SCD5: variants seen among roughly 807,000 people sequenced by gnomAD.
SCD5 encodes the protein stearoyl-CoA desaturase 5.
SCD5 carries 20 observed loss-of-function variants against 30.4 expected under a neutral mutation model. That is an observed-to-expected ratio of 0.66 (90% CI 0.46 to 0.96). SCD5 has a LOEUF of 0.96. Among genes scored for constraint, SCD5 ranks in the 40% least tolerant of loss-of-function variants. The pLI is 0.00. For missense variants in SCD5, 381 were observed against 443.3 expected, an observed-to-expected ratio of 0.86 and a Z score of 1.26; for synonymous variants, 173 against 176.4, an observed-to-expected ratio of 0.98 and a Z score of 0.16.
intron 3 of SCD5, among the ~76,000 whole-genome samples, chr4:82,652,131 C>A (rs1727770420): frequency 6.6e-6 from 1 of 152,054 alleles, no homozygotes; most frequent in African/African-American, 2.4e-5. Flanking sequence ...GAAACATGAG[C>A]AAAAGCACAG....
intron 3 of SCD5, among the ~76,000 whole-genome samples, chr4:82,676,368 G>A (rs565073361): frequency 1.3e-5 from 2 of 152,246 alleles, no homozygotes; most frequent in East Asian, 1.9e-4. Flanking sequence ...AATGGCTCAC[G>A]GATAGGTTCA....
At chr4:82,717,071 T>G (rs1054595659) in intron 1 of SCD5, among the ~76,000 whole-genome samples, 1 of 151,820 alleles carries the variant, frequency 6.6e-6, no homozygotes, top group Non-Finnish European at 1.5e-5. Context: ...TCTGTGAATT[T>G]TAGTATCCAT....
At chr4:82,687,982 A>C (rs895259188) in intron 2 of SCD5, among the ~76,000 whole-genome samples, 2 of 152,242 alleles carry the variant, frequency 1.3e-5, no homozygotes, top group Non-Finnish European at 2.9e-5. Context: ...TGTCCCATTC[A>C]GCAGATCTGA....
At chr4:82,718,952 G>A (rs1460034344) in intron 1 of SCD5, among the ~76,000 whole-genome samples, 1 of 151,382 alleles carries the variant, frequency 6.6e-6, no homozygotes, top group Non-Finnish European at 1.5e-5. Flanking sequence ...TCTCAAGCAC[G>A]TACGAGCACC....
chr4:82,754,608 A>G (rs538437200), intron 1 of SCD5, among the ~76,000 whole-genome samples: 1 of 152,260 alleles, frequency 6.6e-6, no homozygotes, highest in South Asian at 2.1e-4. Flanking sequence ...CATTCAGGCA[A>G]TCTTCACATT....
chr4:82,693,902 G>A (rs1212012112), intron 2 of SCD5, among the ~76,000 whole-genome samples: 1 of 152,194 alleles, frequency 6.6e-6, no homozygotes, highest in African/African-American at 2.4e-5. Context: ...CACACTGGCC[G>A]GACACAGCTT....
chr4:82,642,181 G>A (rs1368937087), intron 3 of SCD5, among the ~76,000 whole-genome samples: 1 of 152,022 alleles, frequency 6.6e-6, no homozygotes, highest in East Asian at 1.9e-4. Flanking sequence ...GACCTGTGCA[G>A]AGGTCCAGAG....
intron 1 of SCD5, among the ~76,000 whole-genome samples, chr4:82,793,322 G>A (rs369016043): frequency 3.9e-5 from 6 of 152,210 alleles, no homozygotes; most frequent in African/African-American, 9.6e-5. Context: ...CAAAGAAAAC[G>A]CTCAAGACCA....
At chr4:82,774,858 T>C (rs1352151642) in intron 1 of SCD5, among the ~76,000 whole-genome samples, 1 of 152,206 alleles carries the variant, frequency 6.6e-6, no homozygotes, top group Non-Finnish European at 1.5e-5. Context: ...AATTTGGAAT[T>C]TGACCATCAG....
chr4:82,683,070 G>C (rs1003185726), intron 2 of SCD5, among the ~76,000 whole-genome samples: 2 of 152,164 alleles, frequency 1.3e-5, no homozygotes, highest in African/African-American at 4.8e-5. Flanking sequence ...TTGGGTTTTG[G>C]GGGAGAGAAA....
intron 2 of SCD5, among the ~76,000 whole-genome samples, chr4:82,690,109 C>G (rs1214512905): frequency 6.6e-6 from 1 of 152,132 alleles, no homozygotes; most frequent in Non-Finnish European, 1.5e-5. Flanking sequence ...TTATAGAATC[C>G]TGGATACAAC....
chr4:82,700,023 C>G (rs1270325297), intron 2 of SCD5, among the ~76,000 whole-genome samples: 1 of 151,790 alleles, frequency 6.6e-6, no homozygotes, highest in Non-Finnish European at 1.5e-5. Context: ...TTGAGACCAG[C>G]CTGACCAACA....
At chr4:82,631,565 C>T in intron 4 of SCD5, 48 bp from the exon 5 acceptor site, 10 of 1,578,034 alleles carry the variant, frequency 6.3e-6, no homozygotes, top group Non-Finnish European at 8.7e-6. Context: ...CACCTCTCTG[C>T]ATAGATGTTT....
intron 1 of SCD5, among the ~76,000 whole-genome samples, chr4:82,782,907 CACA>C (rs1222264397): frequency 6.6e-6 from 1 of 152,178 alleles, no homozygotes; most frequent in Non-Finnish European, 1.5e-5. Context: ...AGGAGAGCCA[CACA>C]ACAATACTGA....
At chr4:82,644,221 C>T (rs1445775407) in intron 3 of SCD5, among the ~76,000 whole-genome samples, 2 of 152,176 alleles carry the variant, frequency 1.3e-5, no homozygotes, top group East Asian at 3.9e-4. Flanking sequence ...ACCAGAGAAG[C>T]CCGTTGTCCA....
At chr4:82,697,409 A>G (rs554922626) in intron 2 of SCD5, among the ~76,000 whole-genome samples, 2 of 152,362 alleles carry the variant, frequency 1.3e-5, no homozygotes, top group South Asian at 4.1e-4. Context: ...TAAGATCTGC[A>G]TTAAAGAGTT....
At chr4:82,637,934 C>T (rs1337115660) in intron 3 of SCD5, among the ~76,000 whole-genome samples, 2 of 151,980 alleles carry the variant, frequency 1.3e-5, no homozygotes, top group Non-Finnish European at 2.9e-5. Flanking sequence ...CATAGGGAAA[C>T]GTGTGCCACG....
At chr4:82,730,649 G>C (rs1424816906) in intron 1 of SCD5, among the ~76,000 whole-genome samples, 6 of 144,284 alleles carry the variant, frequency 4.2e-5, no homozygotes, top group Admixed American at 2.8e-4. Context: ...GCAGTGGCGG[G>C]ATCTTGGCTC....
intron 1 of SCD5, among the ~76,000 whole-genome samples, chr4:82,724,649 T>C (rs1189533140): frequency 6.6e-6 from 1 of 152,214 alleles, no homozygotes; most frequent in Non-Finnish European, 1.5e-5. Flanking sequence ...TCTTCCCTAA[T>C]GCTTTCTGAG....
Sources: allele counts gnomAD v4.1 joint callset (sites outside exome capture counted in the v4.1 genomes callset), GRCh38; gene constraint gnomAD v4.1.1; transcripts MANE v1.5; gene names NCBI Gene and HGNC (gene_info 2026-07-23, HGNC 2026-07-21).